KDM4C: variants seen among roughly 807,000 people sequenced by gnomAD.
KDM4C encodes the protein lysine demethylase 4C.
Under a neutral mutation model 129.3 loss-of-function variants are expected in KDM4C, and 81 were observed. That is an observed-to-expected ratio of 0.63 (90% CI 0.52 to 0.75). KDM4C has a LOEUF of 0.75. Ranked by LOEUF, KDM4C falls within the 30% of genes least tolerant of loss-of-function variation. The pLI, the probability that KDM4C is intolerant of heterozygous loss-of-function variation, is 0.00. For missense variants in KDM4C, 1,457 were observed against 1,304.0 expected, an observed-to-expected ratio of 1.12 and a Z score of -1.81; for synonymous variants, 573 against 456.1, an observed-to-expected ratio of 1.26 and a Z score of -3.26.
At chr9:6,834,922 T>C in intron 4 of KDM4C, 1 of 1,166,562 alleles carries the variant, frequency 8.6e-7, no homozygotes, top group African/African-American at 1.5e-5. Flanking sequence ...TGGACTCCGG[T>C]GACGGGGTCA....
At chr9:6,937,965 G>T (rs994522785) in intron 8 of KDM4C, among the ~76,000 whole-genome samples, 2 of 152,064 alleles carry the variant, frequency 1.3e-5, no homozygotes, top group Admixed American at 6.5e-5. Context: ...GCCCTCCTTG[G>T]CCTCCCAAAG....
intron 8 of KDM4C, among the ~76,000 whole-genome samples, chr9:6,972,916 CT>C (rs1341693879): frequency 6.6e-6 from 1 of 152,040 alleles, no homozygotes; most frequent in Admixed American, 6.6e-5. Context: ...CTTCTGTTTG[CT>C]TTTTTTCTGA....
rs947904400 is a variant in KDM4C at position 7,168,184 on chromosome 9, G to A, written c.2902-1614G>A. The stretch of plus-strand genomic sequence containing the variant: ...GCCTAGGCAACAAGAGCGAAACTCC[G>A]TCTCAAGAGAAAACCAAAAACCAAA... On this transcript the variant is annotated intron_variant, in intron 20 of 21. Transcript: ENST00000381309. Among the ~76,000 whole-genome samples the A allele has an allele frequency of 3.0e-4, 45 of 151,882 alleles. 1 individual carries two copies. The highest frequency in any genetic ancestry group is 8.7e-4 in the African/African-American group (36 of 41,336).
chr9:7,052,461 C>T (rs1043571178), intron 17 of KDM4C, among the ~76,000 whole-genome samples: 1 of 152,178 alleles, frequency 6.6e-6, no homozygotes, highest in Non-Finnish European at 1.5e-5. Context: ...TGGAGGAGTG[C>T]GATCAGACAA....
intron 13 of KDM4C, 87 bp from the exon 14 acceptor site, chr9:7,013,701 T>C (rs1171924571): frequency 2.4e-6 from 3 of 1,254,020 alleles, no homozygotes; most frequent in Non-Finnish European, 3.3e-6. Flanking sequence ...AGTTAGTGTC[T>C]GGAACAGGAG....
intron 15 of KDM4C, among the ~76,000 whole-genome samples, chr9:7,018,099 T>G (rs563012974): frequency 6.6e-6 from 1 of 152,346 alleles, no homozygotes; most frequent in East Asian, 1.9e-4. Flanking sequence ...AATGCATCGT[T>G]AGGCAATTTT....
At chr9:6,872,996 G>A (rs1452152641) in intron 5 of KDM4C, among the ~76,000 whole-genome samples, 8 of 151,938 alleles carry the variant, frequency 5.3e-5, no homozygotes, top group South Asian at 2.1e-4. Flanking sequence ...GTGCAATCTC[G>A]TCTCATTGCA....
At chr9:7,133,003 G>C (rs1406764856) in intron 19 of KDM4C, among the ~76,000 whole-genome samples, 1 of 152,166 alleles carries the variant, frequency 6.6e-6, no homozygotes, top group Admixed American at 6.5e-5. Flanking sequence ...AAGATTCTGG[G>C]GGTGAGTAGT....
intron 5 of KDM4C, among the ~76,000 whole-genome samples, chr9:6,871,447 A>G (rs1227346882): frequency 6.6e-6 from 1 of 152,212 alleles, no homozygotes; most frequent in Admixed American, 6.5e-5. Flanking sequence ...CTTCAGTTTT[A>G]AATGCAACAT....
At chr9:7,098,675 C>G (rs1355088052) in intron 17 of KDM4C, among the ~76,000 whole-genome samples, 1 of 152,222 alleles carries the variant, frequency 6.6e-6, no homozygotes, top group Non-Finnish European at 1.5e-5. Context: ...TCCCCAGCCA[C>G]TCTTTAGCTG....
At chr9:6,874,227 A>G (rs1016476195) in intron 5 of KDM4C, among the ~76,000 whole-genome samples, 3 of 152,260 alleles carry the variant, frequency 2.0e-5, no homozygotes, top group African/African-American at 7.2e-5. Flanking sequence ...GCATTGCCAT[A>G]GACCTTCAGT....
At chr9:6,949,417 T>C (rs1042687494) in intron 8 of KDM4C, among the ~76,000 whole-genome samples, 4 of 146,782 alleles carry the variant, frequency 2.7e-5, no homozygotes, top group Non-Finnish European at 4.5e-5. Context: ...GGCAGAGACG[T>C]TCCTCACTTC....
chr9:6,907,898 A>G (rs565635222), intron 8 of KDM4C, among the ~76,000 whole-genome samples: 3 of 152,352 alleles, frequency 2.0e-5, no homozygotes, highest in East Asian at 1.9e-4. Flanking sequence ...ATCATGGACT[A>G]TGGTACTTAA....
chr9:7,145,230 A>AT (rs1476571791), intron 19 of KDM4C, among the ~76,000 whole-genome samples: 1 of 152,056 alleles, frequency 6.6e-6, no homozygotes, highest in African/African-American at 2.4e-5. Context: ...TCTGCGTTTG[A>AT]TTTTTTTCCT....
At chr9:6,933,046 C>A (rs995579883) in intron 8 of KDM4C, among the ~76,000 whole-genome samples, 1 of 146,830 alleles carries the variant, frequency 6.8e-6, no homozygotes, top group African/African-American at 2.5e-5. Context: ...ATTTGTACTT[C>A]ATCAGTGGTG....
chr9:6,946,572 A>C (rs1827013192), intron 8 of KDM4C, among the ~76,000 whole-genome samples: 1 of 152,084 alleles, frequency 6.6e-6, no homozygotes, highest in Non-Finnish European at 1.5e-5. Flanking sequence ...ATCTCTACCA[A>C]GTTTCTGTGA....
At chr9:7,006,075 T>C (rs1039310844) in intron 12 of KDM4C, among the ~76,000 whole-genome samples, 1 of 152,218 alleles carries the variant, frequency 6.6e-6, no homozygotes, top group Non-Finnish European at 1.5e-5. Context: ...AAAATAATCA[T>C]TGAAATAAAC....
At chr9:7,060,591 C>T (rs1831509052) in intron 17 of KDM4C, among the ~76,000 whole-genome samples, 1 of 151,816 alleles carries the variant, frequency 6.6e-6, no homozygotes, top group African/African-American at 2.4e-5. Context: ...AAGTGATTCT[C>T]CTGCCTCAGC....
At chr9:7,079,125 G>T (rs1307345144) in intron 17 of KDM4C, among the ~76,000 whole-genome samples, 1 of 152,170 alleles carries the variant, frequency 6.6e-6, no homozygotes, top group Non-Finnish European at 1.5e-5. Flanking sequence ...TGAAATTCAA[G>T]TTCCTGTATG....
Sources: allele counts gnomAD v4.1 joint callset (sites outside exome capture counted in the v4.1 genomes callset), GRCh38; gene constraint gnomAD v4.1.1; transcripts MANE v1.5; gene names NCBI Gene and HGNC (gene_info 2026-07-23, HGNC 2026-07-21).